MMP26: variants seen among roughly 807,000 people sequenced by gnomAD.
The protein encoded by MMP26 is matrix metalloproteinase-26.
Under a neutral mutation model 31.0 loss-of-function variants are expected in MMP26, and 33 were observed. That is an observed-to-expected ratio of 1.06 (90% CI 0.81 to 1.42). MMP26 has a LOEUF of 1.42. Ranked by LOEUF, MMP26 falls within the 40% of genes most tolerant of loss-of-function variation. The probability of loss-of-function intolerance (pLI) is 0.00; values close to 1 mark genes in which losing one functional copy is unlikely to be tolerated. For synonymous variants in MMP26, 122 were observed against 114.9 expected, an observed-to-expected ratio of 1.06 and a Z score of -0.40; for missense variants, 347 against 316.1, an observed-to-expected ratio of 1.10 and a Z score of -0.74.
At chr11:4,974,377 A>AT in intron 2 of MMP26, among the ~76,000 whole-genome samples, 1 of 152,136 alleles carries the variant, frequency 6.6e-6, no homozygotes. Flanking sequence ...TTCAAAAAAA[A>AT]ATATATGTAT....
rs940673605 is a variant in MMP26, at chr11:4,731,616, T to C, written c.-217+26571T>C. ...AAGGAAAGGCACTATAAGATATGCC[T>C]ACGTATATACCTCTGGTGTGGGGAC... On this transcript the variant is annotated intron_variant, in intron 1 of 7. Transcript: ENST00000380390. Among the ~76,000 whole-genome samples, 15 of 152,188 alleles carry C rather than the reference T, an allele frequency of 9.9e-5. 1 individual carries two copies. The highest frequency in any genetic ancestry group is 3.6e-4 in the African/African-American group (15 of 41,454).
chr11:4,771,002 C>T (rs1848709175), intron 2 of MMP26, among the ~76,000 whole-genome samples: 2 of 152,122 alleles, frequency 1.3e-5, no homozygotes, highest in South Asian at 4.1e-4. Flanking sequence ...TGAGAACCTG[C>T]TACAGTGTGG....
At chr11:4,819,248 GA>G (rs1432797180) in intron 2 of MMP26, among the ~76,000 whole-genome samples, 1 of 152,164 alleles carries the variant, frequency 6.6e-6, no homozygotes, top group African/African-American at 2.4e-5. Context: ...CTGGTTTTCA[GA>G]AATTCACTTG....
intron 1 of MMP26, among the ~76,000 whole-genome samples, chr11:4,714,899 A>ATCTCTCTCTCTC (rs71466199): frequency 5.3e-5 from 7 of 132,494 alleles, no homozygotes; most frequent in African/African-American, 2.0e-4. Context: ...AAAACCCCAA[A>ATCTCTCTCTCTC]TCTCTCTCTC....
intron 1 of MMP26, among the ~76,000 whole-genome samples, chr11:4,720,382 T>G (rs191706860): frequency 1.3e-5 from 2 of 152,320 alleles, no homozygotes; most frequent in Admixed American, 1.3e-4. Flanking sequence ...ACAGAAATAT[T>G]TTAATCTGGT....
intron 2 of MMP26, among the ~76,000 whole-genome samples, chr11:4,984,830 G>A (rs1589824373): frequency 6.6e-6 from 1 of 152,116 alleles, no homozygotes; most frequent in East Asian, 1.9e-4. Flanking sequence ...AGTGATTGAG[G>A]AACCATGCTC....
intron 2 of MMP26, chr11:4,924,155 T>C (rs1246323358): frequency 6.2e-7 from 1 of 1,614,100 alleles, no homozygotes; most frequent in Non-Finnish European, 8.5e-7. Context: ...CAAGAAATAG[T>C]ACATGGGTCC....
intron 1 of MMP26, among the ~76,000 whole-genome samples, chr11:4,732,736 C>G (rs1232330946): frequency 1.3e-5 from 2 of 152,074 alleles, no homozygotes. Flanking sequence ...TTGTGACTGG[C>G]TTTTTTCATT....
At chr11:4,884,714 C>T (rs1850525640) in intron 2 of MMP26, among the ~76,000 whole-genome samples, 2 of 152,138 alleles carry the variant, frequency 1.3e-5, no homozygotes, top group Non-Finnish European at 2.9e-5. Flanking sequence ...GGCAGATCTA[C>T]AATCCTCTAT....
chr11:4,988,385 G>C, intron 3 of MMP26, 75 bp downstream of exon 3: 1 of 1,026,336 alleles, frequency 9.7e-7, no homozygotes, highest in Non-Finnish European at 1.6e-6. Context: ...GTGTGTATGT[G>C]TGACTGCATG....
At chr11:4,792,549 C>G (rs1204235971) in intron 2 of MMP26, among the ~76,000 whole-genome samples, 1 of 152,150 alleles carries the variant, frequency 6.6e-6, no homozygotes, top group African/African-American at 2.4e-5. Flanking sequence ...ATGAGAGAAG[C>G]AATATCCATT....
At chr11:4,740,538 C>T (rs112956553) in intron 1 of MMP26, among the ~76,000 whole-genome samples, 6,657 of 151,978 alleles carry the variant, frequency 0.044, 468 homozygotes, top group African/African-American at 0.15. Flanking sequence ...AAAAAATTAG[C>T]TGGGCATGAG....
chr11:4,861,712 A>G (rs537748243), intron 2 of MMP26, among the ~76,000 whole-genome samples: 2 of 152,114 alleles, frequency 1.3e-5, no homozygotes, highest in African/African-American at 4.8e-5. Flanking sequence ...AAAGTATAAT[A>G]TAATACTTAG....
chr11:4,770,037 C>G, intron 2 of MMP26: 1 of 621,584 alleles, frequency 1.6e-6, no homozygotes, highest in Non-Finnish European at 2.9e-6. Flanking sequence ...TATCCAAGGT[C>G]ATAGATAAGA....
chr11:4,936,999 ATT>A (rs981598395), intron 2 of MMP26, among the ~76,000 whole-genome samples: 15 of 152,230 alleles, frequency 9.9e-5, no homozygotes, highest in Middle Eastern at 3.4e-3. Context: ...CTTACTAGGC[ATT>A]TTTTTGCTAC....
intron 2 of MMP26, among the ~76,000 whole-genome samples, chr11:4,969,855 CCAAAG>C (rs1846642070): frequency 6.6e-6 from 1 of 152,036 alleles, no homozygotes; most frequent in East Asian, 1.9e-4. Context: ...GGCTCACTTG[CCAAAG>C]ATACGCCTAT....
intron 2 of MMP26, chr11:4,915,318 C>T (rs764934135): frequency 1.8e-5 from 29 of 1,613,640 alleles, no homozygotes; most frequent in South Asian, 3.3e-5. Flanking sequence ...ACAGAGGACT[C>T]GAGGAAGGAG....
chr11:4,763,210 A>C (rs1051921786), intron 1 of MMP26, among the ~76,000 whole-genome samples: 1 of 152,190 alleles, frequency 6.6e-6, no homozygotes, highest in Non-Finnish European at 1.5e-5. Context: ...AGCCGTATTT[A>C]TGTTAAACGT....
At chr11:4,847,352 A>G (rs1452525242) in intron 2 of MMP26, 1 of 152,262 alleles carries the variant, frequency 6.6e-6, no homozygotes, top group East Asian at 1.9e-4. Flanking sequence ...TTCCATTTAC[A>G]TAAAACATTA....
Sources: allele counts gnomAD v4.1 joint callset (sites outside exome capture counted in the v4.1 genomes callset), GRCh38; gene constraint gnomAD v4.1.1; transcripts MANE v1.5; gene names NCBI Gene and HGNC (gene_info 2026-07-23, HGNC 2026-07-21).